The following KCNS3 variants were observed in gnomAD, a reference collection of about 807,000 sequenced individuals.
The protein encoded by KCNS3 is potassium voltage-gated channel modifier subfamily S member 3, also known as delayed-rectifier potassium channel regulatory subunit KCNS3.
A neutral mutation model predicts 31.0 loss-of-function variants in KCNS3; 13 were observed. The ratio of observed to expected loss-of-function variants is 0.42; its 90% CI spans 0.27 to 0.67. The LOEUF is 0.67. Among genes scored for constraint, KCNS3 ranks in the 30% least tolerant of loss-of-function variants. The pLI, the probability that KCNS3 is intolerant of heterozygous loss-of-function variation, is 0.25. For synonymous variants in KCNS3, 238 were observed against 241.5 expected (o/e 0.99, Z 0.13); for missense variants, 545 against 622.4 (o/e 0.88, Z 1.32).
At chr2:17,878,624 C>T (rs921619469), upstream of KCNS3, 3 of 147,948 alleles carry the variant, frequency 2.0e-5, no homozygotes, top group African/African-American at 4.9e-5. Flanking sequence ...GCCCCGCCCG[C>T]AGCTCCCGGG....
At chr2:17,888,646 T>TATATAG (rs1558447008) in intron 1 of KCNS3, among the ~76,000 whole-genome samples, 1 of 127,290 alleles carries the variant, frequency 7.9e-6, no homozygotes, top group Non-Finnish European at 1.7e-5. Context: ...TATATATATA[T>TATATAG]ATATATATAT....
intron 2 of KCNS3, among the ~76,000 whole-genome samples, chr2:17,930,144 A>T (rs989769517): frequency 1.3e-5 from 2 of 152,140 alleles, no homozygotes; most frequent in African/African-American, 4.8e-5. Context: ...ATAATTATAG[A>T]TTAGGGCCAC....
intron 1 of KCNS3, among the ~76,000 whole-genome samples, chr2:17,905,896 C>A (rs2125242654): frequency 6.6e-6 from 1 of 152,326 alleles, no homozygotes; most frequent in East Asian, 1.9e-4. Context: ...CATCGATGTT[C>A]ATCAAGGATA....
intron 2 of KCNS3, among the ~76,000 whole-genome samples, chr2:17,921,113 A>C (rs999038742): frequency 7.2e-5 from 11 of 152,254 alleles, no homozygotes; most frequent in African/African-American, 2.7e-4. Flanking sequence ...GTTGTTGAGA[A>C]TAAAAGAGTG....
intron 1 of KCNS3, among the ~76,000 whole-genome samples, chr2:17,893,684 C>A (rs1319921268): frequency 6.6e-6 from 1 of 152,186 alleles, no homozygotes; most frequent in African/African-American, 2.4e-5. Flanking sequence ...AACAGACCTT[C>A]AGCTTCTCCA....
chr2:17,888,688 CT>C (rs1354410705), intron 1 of KCNS3, among the ~76,000 whole-genome samples: 4 of 106,110 alleles, frequency 3.8e-5, no homozygotes, highest in Non-Finnish European at 7.4e-5. Flanking sequence ...AAAGGGTGTT[CT>C]TTCCCCACTT....
At chr2:17,909,883 G>A (rs1662430486) in intron 1 of KCNS3, among the ~76,000 whole-genome samples, 1 of 152,186 alleles carries the variant, frequency 6.6e-6, no homozygotes, top group Non-Finnish European at 1.5e-5. Context: ...AGGGTGGATG[G>A]TGGGCACTTT....
intron 1 of KCNS3, among the ~76,000 whole-genome samples, chr2:17,909,463 T>C (rs530533450): frequency 6.6e-6 from 1 of 152,236 alleles, no homozygotes; most frequent in East Asian, 1.9e-4. Context: ...GCACCCACTG[T>C]CCTGCCCCCA....
chr2:17,911,664 C>G (rs12615672), intron 1 of KCNS3, among the ~76,000 whole-genome samples: 40,238 of 152,128 alleles, frequency 0.26, 5,611 homozygotes, highest in East Asian at 0.37. Context: ...ACATATTTTA[C>G]AAAGATAGGA....
chr2:17,930,420 A>G (rs1227362848), intron 2 of KCNS3, among the ~76,000 whole-genome samples: 1 of 152,190 alleles, frequency 6.6e-6, no homozygotes, highest in African/African-American at 2.4e-5. Context: ...TTGGTACGCA[A>G]AGGGAAACTC....
chr2:17,883,510 G>A (rs1371563105), intron 1 of KCNS3, among the ~76,000 whole-genome samples: 1 of 152,130 alleles, frequency 6.6e-6, no homozygotes. Context: ...GAGTAACAAG[G>A]GTAGGGAGGC....
intron 1 of KCNS3, among the ~76,000 whole-genome samples, chr2:17,907,108 A>T (rs867179004): frequency 6.6e-6 from 1 of 152,140 alleles, no homozygotes; most frequent in African/African-American, 2.4e-5. Context: ...CTCTTTGTAG[A>T]TCTCTAAGGA....
intron 1 of KCNS3, among the ~76,000 whole-genome samples, chr2:17,915,059 C>G (rs950984031): frequency 6.6e-6 from 1 of 152,184 alleles, no homozygotes; most frequent in African/African-American, 2.4e-5. Context: ...TACCTTTTCC[C>G]TCTCAATAAT....
At position 17,913,844 on chromosome 2, in the gene KCNS3, G is replaced by A. The variant is rs367820313; in HGVS notation, c.-251-3836G>A. Among the ~76,000 whole-genome samples the A allele has an allele frequency of 2.6e-5, 4 of 152,176 alleles. No individual in the cohort carries two copies. The East Asian group carries it at 7.7e-4, about 29-fold the overall frequency. On this transcript the variant is annotated intron_variant, in intron 1 of 2. Transcript: ENST00000304101. ...CACAGTATTGTGATGGGTGGGTGGT[G>A]TACAAGTGGCATCTAGTAGATGAAG...
intron 1 of KCNS3, among the ~76,000 whole-genome samples, chr2:17,885,263 C>T (rs1433580280): frequency 6.6e-6 from 1 of 152,124 alleles, no homozygotes; most frequent in East Asian, 1.9e-4. Context: ...TTATGAGCCA[C>T]TTTTTGTGTT....
chr2:17,883,240 T>C (rs1402577723), intron 1 of KCNS3, among the ~76,000 whole-genome samples: 1 of 152,216 alleles, frequency 6.6e-6, no homozygotes, highest in Non-Finnish European at 1.5e-5. Context: ...TCACCAAAGG[T>C]GACATAATGA....
At chr2:17,917,425 A>G (rs1481484006) in intron 1 of KCNS3, among the ~76,000 whole-genome samples, 1 of 152,196 alleles carries the variant, frequency 6.6e-6, no homozygotes, top group African/African-American at 2.4e-5. Flanking sequence ...TAGATGTTTT[A>G]GTGGCCTCTG....
chr2:17,921,715 C>T (rs1464736553), intron 2 of KCNS3, among the ~76,000 whole-genome samples: 1 of 151,476 alleles, frequency 6.6e-6, no homozygotes, highest in Admixed American at 6.6e-5. Flanking sequence ...CATTTTCAAA[C>T]AACCAGATCT....
At chr2:17,893,940 G>GTTTT (rs5829612) in intron 1 of KCNS3, among the ~76,000 whole-genome samples, 40 of 98,898 alleles carry the variant, frequency 4.0e-4, no homozygotes, top group African/African-American at 1.7e-3. Flanking sequence ...CCAGGAGCCA[G>GTTTT]TTTTTTTTTT....
Sources: gnomAD v4.1 joint callset for allele counts (sites outside exome capture counted in the v4.1 genomes callset) on GRCh38, gnomAD v4.1.1 for gene constraint, MANE v1.5 for transcripts, NCBI Gene and HGNC (gene_info 2026-07-23, HGNC 2026-07-21) for gene names.